Variants in GPR158 observed in about 807,000 individuals in gnomAD.
GPR158 encodes the protein G protein-coupled receptor 158, also known as metabotropic glycine receptor.
Under a neutral mutation model 78.2 loss-of-function variants are expected in GPR158, and 30 were observed. The ratio of observed to expected loss-of-function variants is 0.38; its 90% CI spans 0.29 to 0.52. The LOEUF (loss-of-function observed/expected upper bound fraction) is 0.52. Among genes scored for constraint, GPR158 ranks in the 20% least tolerant of loss-of-function variants. GPR158 has a pLI of 0.83. For synonymous variants in GPR158, 581 were observed against 591.1 expected (o/e 0.98, Z 0.25); for missense variants, 1,463 against 1,523.5 (o/e 0.96, Z 0.66).
chr10:25,598,417 TC>T lies in GPR158; in HGVS notation c.2794del (p.Gln932ArgfsTer45). On this transcript the variant is annotated frameshift_variant, in exon 11 of 11. Coordinates refer to ENST00000376351, the MANE Select transcript of GPR158 (RefSeq NM_020752.3). LOFTEE classifies it low-confidence loss of function (END_TRUNC). ...QTAGVEERTK[S>X]QKPLPKDKET... ...AGCAGGTGTGGAAGAACGCACTAAA[TC>T]CCAGAAACCTTTGCCAAAAGATAAA... 6.2e-7 allele frequency: 1 copy of T among 1,613,928 alleles called. No individual in the cohort carries two copies. The highest frequency in any genetic ancestry group is 8.5e-7 in the Non-Finnish European group (1 of 1,179,988).
intron 7 of GPR158, among the ~76,000 whole-genome samples, chr10:25,586,682 G>A (rs1211334709): frequency 6.6e-6 from 1 of 152,110 alleles, no homozygotes; most frequent in African/African-American, 2.4e-5. Context: ...CAAAGTGCTG[G>A]GATTACAGGT....
chr10:25,581,967 C>G (rs902812315), intron 7 of GPR158, among the ~76,000 whole-genome samples: 8 of 152,206 alleles, frequency 5.3e-5, no homozygotes, highest in African/African-American at 1.9e-4. Flanking sequence ...AGGTGAAAGG[C>G]ACGTCTTAAA....
chr10:25,494,618 T>C (rs1043960186), intron 5 of GPR158, among the ~76,000 whole-genome samples: 3 of 152,180 alleles, frequency 2.0e-5, no homozygotes, highest in Non-Finnish European at 4.4e-5. Flanking sequence ...TGTACCATAG[T>C]ACCAAAATTT....
chr10:25,564,892 A>G (rs58382847), intron 6 of GPR158, among the ~76,000 whole-genome samples: 24,113 of 152,088 alleles, frequency 0.16, 4,029 homozygotes, highest in African/African-American at 0.42. Context: ...TAGACTTTTG[A>G]AGTTCCCTAT....
intron 5 of GPR158, among the ~76,000 whole-genome samples, chr10:25,493,672 C>T (rs1261193281): frequency 6.6e-6 from 1 of 152,150 alleles, no homozygotes; most frequent in Non-Finnish European, 1.5e-5. Context: ...AGTGACTCAT[C>T]TGTTACAAAT....
chr10:25,314,004 A>C (rs1003926475), intron 2 of GPR158, among the ~76,000 whole-genome samples: 3 of 152,170 alleles, frequency 2.0e-5, no homozygotes, highest in Non-Finnish European at 4.4e-5. Flanking sequence ...TTCTCTATTT[A>C]GTATATAAAT....
chr10:25,543,038 G>A (rs996832720), intron 5 of GPR158, among the ~76,000 whole-genome samples: 2 of 152,096 alleles, frequency 1.3e-5, no homozygotes, highest in Non-Finnish European at 2.9e-5. Context: ...TTTGAAATGG[G>A]AGAATAATTT....
intron 2 of GPR158, among the ~76,000 whole-genome samples, chr10:25,314,094 AATTT>A (rs556684158): frequency 2.0e-5 from 3 of 151,378 alleles, no homozygotes; most frequent in Admixed American, 6.6e-5. Context: ...TAGGTTTTTG[AATTT>A]ATTTATTTAT....
intron 6 of GPR158, among the ~76,000 whole-genome samples, chr10:25,561,240 T>C (rs1011963989): frequency 1.3e-5 from 2 of 152,202 alleles, no homozygotes; most frequent in African/African-American, 4.8e-5. Flanking sequence ...CAAAATGTTA[T>C]ATTAAATAGT....
At chr10:25,426,543 A>T (rs924264181) in intron 4 of GPR158, among the ~76,000 whole-genome samples, 1 of 152,034 alleles carries the variant, frequency 6.6e-6, no homozygotes, top group Non-Finnish European at 1.5e-5. Flanking sequence ...GAAGATTGTT[A>T]TGTCTCAGGG....
At chr10:25,351,806 T>C (rs1372440255) in intron 2 of GPR158, among the ~76,000 whole-genome samples, 1 of 151,404 alleles carries the variant, frequency 6.6e-6, no homozygotes, top group East Asian at 2.0e-4. Context: ...CATAGGTAAA[T>C]GTGTGCCATG....
In GPR158 at chr10:25,412,230, G is replaced by C. The variant is rs1382287326; in HGVS notation, c.1112-20G>C. ...CCTAAGAGGTGCAAATGACACTGTG[G>C]TTTTATTTGGAACTTTCAGGAAGGG... On this transcript the variant is annotated intron_variant, in intron 3 of 10. Coordinates refer to ENST00000376351, the MANE Select transcript of GPR158 (RefSeq NM_020752.3). The C allele has an allele frequency of 6.3e-7, 1 of 1,575,328 alleles. No individual in the cohort carries two copies. The highest frequency in any genetic ancestry group is 8.7e-7 in the Non-Finnish European group (1 of 1,144,792).
chr10:25,207,660 G>A (rs1274756766), intron 1 of GPR158, among the ~76,000 whole-genome samples: 1 of 152,112 alleles, frequency 6.6e-6, no homozygotes, highest in Non-Finnish European at 1.5e-5. Context: ...CCTGCTGTGC[G>A]GCCTGGTTCC....
intron 3 of GPR158, among the ~76,000 whole-genome samples, chr10:25,407,259 T>C (rs1034289768): frequency 6.6e-6 from 1 of 152,354 alleles, no homozygotes. Flanking sequence ...GTTAAAGTTT[T>C]CTGCATGTGC....
Position 25,422,382 on chromosome 10 carries a change from A to T in GPR158, c.1335+9909A>T, listed in dbSNP as rs567205028. ...CATAGGGGCACAAACCCTATTGTGA[A>T]CTGCACATGTGCACTCCTTATGAGA... On this transcript the variant is annotated intron_variant, in intron 4 of 10. Transcript: ENST00000376351. Among the ~76,000 whole-genome samples, 6 of 152,200 alleles carry T rather than the reference A, an allele frequency of 3.9e-5. No homozygotes were observed. The South Asian group carries it at 1.2e-3, about 32-fold the overall frequency.
intron 5 of GPR158, among the ~76,000 whole-genome samples, chr10:25,493,437 C>A (rs1375546859): frequency 6.6e-6 from 1 of 152,010 alleles, no homozygotes; most frequent in Non-Finnish European, 1.5e-5. Context: ...TGAAAGAGTT[C>A]TTTTTTAAAG....
chr10:25,372,076 C>T lies in GPR158; in HGVS notation c.1009-23835C>T, dbSNP rs1177815708. ...TGAACAGACACTTCTCAAAAGAAGA[C>T]ATTTATGCAGCCAAAAAACACATGA... On this transcript the variant is annotated intron_variant, in intron 2 of 10. Transcript: ENST00000376351. Among the ~76,000 whole-genome samples, 9 of 126,454 alleles carry T rather than the reference C, an allele frequency of 7.1e-5. No homozygotes were observed. The South Asian group carries it at 1.4e-3, about 20-fold the overall frequency. 83.0% of individuals were successfully genotyped at this position (126,454 alleles called of 152,430 possible). A position where few individuals can be genotyped will look rare whatever the true frequency, so the allele number is the denominator to read the frequency against.
chr10:25,540,756 C>T lies in GPR158; in HGVS notation c.1405-10220C>T, dbSNP rs1247229318. On this transcript the variant is annotated intron_variant, in intron 5 of 10. Coordinates refer to ENST00000376351, the MANE Select transcript of GPR158 (RefSeq NM_020752.3). ...GAATTGAACAATGAGAACACTTGGA[C>T]ACAGGAAGGGGAACATCACACACCG... Among the ~76,000 whole-genome samples, 6 of 150,568 alleles carry T rather than the reference C, an allele frequency of 4.0e-5. No homozygotes were observed. The South Asian group carries it at 1.3e-3, about 32-fold the overall frequency.
chr10:25,202,424 C>T (rs1852945121), intron 1 of GPR158, among the ~76,000 whole-genome samples: 1 of 152,100 alleles, frequency 6.6e-6, no homozygotes, highest in Admixed American at 6.6e-5. Flanking sequence ...CCACAACAGG[C>T]CCTGGTGTGT....
Sources: allele counts gnomAD v4.1 joint callset (sites outside exome capture counted in the v4.1 genomes callset), GRCh38; gene constraint gnomAD v4.1.1; transcripts MANE v1.5; gene names NCBI Gene and HGNC (gene_info 2026-07-23, HGNC 2026-07-21).